UBE2D1: variants seen among roughly 807,000 people sequenced by gnomAD.
The protein encoded by UBE2D1 is ubiquitin-conjugating enzyme E2 D1.
In UBE2D1, 9 loss-of-function variants were observed where a neutral mutation model predicts 24.6. The ratio of observed to expected loss-of-function variants is 0.37; its 90% CI spans 0.22 to 0.64. UBE2D1 has a LOEUF of 0.64. Ranked by LOEUF, UBE2D1 falls within the 30% of genes least tolerant of loss-of-function variation. UBE2D1 has a pLI of 0.64. For synonymous variants in UBE2D1, 57 were observed against 57.6 expected (o/e 0.99, Z 0.04); for missense variants, 87 against 177.1 (o/e 0.49, Z 2.89).
chr10:58,337,095 A>G (rs1429288904), intron 1 of UBE2D1, among the ~76,000 whole-genome samples: 2 of 152,070 alleles, frequency 1.3e-5, no homozygotes, highest in African/African-American at 4.8e-5. Flanking sequence ...CGTGTGTCCA[A>G]ATCTTTTTAG....
chr10:58,346,391 T>C (rs530422921), intron 1 of UBE2D1, among the ~76,000 whole-genome samples: 2 of 152,230 alleles, frequency 1.3e-5, no homozygotes, highest in Non-Finnish European at 2.9e-5. Flanking sequence ...ATAATTTTGA[T>C]TAATGTCATG....
rs1839887190 is a variant in UBE2D1, at chr10:58,335,151, G to A, written c.-51G>A. The A allele has an allele frequency of 1.3e-6, 2 of 1,531,854 alleles. No individual in the cohort carries two copies. Among genetic ancestry groups the A allele is most frequent in the Admixed American group, 2.0e-5 (1 of 50,624 alleles). The allele number at this position is 1,531,854 out of a possible 1,614,324, so 94.9% of individuals were successfully genotyped here. A position where few individuals can be genotyped will look rare whatever the true frequency, so the allele number is the denominator to read the frequency against. On this transcript the variant is annotated 5_prime_UTR_variant, in exon 1 of 7. Transcript: ENST00000373910. Reference sequence around the variant, plus strand: ...AACCCGCGACGACCCACGCCCCTGAGCCCCGCAGCCGACCCCTGCCGGCCG... The same window carrying A: ...AACCCGCGACGACCCACGCCCCTGAACCCCGCAGCCGACCCCTGCCGGCCG...
chr10:58,359,029 A>AG (rs1326391673), intron 1 of UBE2D1, among the ~76,000 whole-genome samples: 59 of 151,538 alleles, frequency 3.9e-4, no homozygotes, highest in Middle Eastern at 3.4e-3. Flanking sequence ...AAAAAAAAAA[A>AG]AAAGCAAAAC....
intron 1 of UBE2D1, among the ~76,000 whole-genome samples, chr10:58,347,587 G>A (rs1017958951): frequency 1.3e-5 from 2 of 151,344 alleles, no homozygotes; most frequent in African/African-American, 2.4e-5. Context: ...GTGAGGCACT[G>A]AGTAAATAAT....
intron 1 of UBE2D1, among the ~76,000 whole-genome samples, chr10:58,343,010 T>C (rs1588996940): frequency 6.6e-6 from 1 of 152,020 alleles, no homozygotes; most frequent in South Asian, 2.1e-4. Flanking sequence ...TTTGTATTTT[T>C]AGTAGAGACA....
intron 1 of UBE2D1, among the ~76,000 whole-genome samples, chr10:58,336,610 G>C (rs1175228026): frequency 6.6e-6 from 1 of 152,168 alleles, no homozygotes; most frequent in Non-Finnish European, 1.5e-5. Flanking sequence ...ATGTTTTCTT[G>C]TTTGAAGGTA....
At chr10:58,335,305 A>C in intron 1 of UBE2D1, 80 bp downstream of exon 1, 9 of 1,393,702 alleles carry the variant, frequency 6.5e-6, no homozygotes, top group African/African-American at 1.5e-5. Context: ...CCCGAGAGAC[A>C]TGCGGGGAGA....
At chr10:58,350,160 C>T (rs1400328199) in intron 1 of UBE2D1, among the ~76,000 whole-genome samples, 1 of 152,166 alleles carries the variant, frequency 6.6e-6, no homozygotes, top group Non-Finnish European at 1.5e-5. Context: ...ATATACTTAG[C>T]AGTAGAAATG....
chr10:58,351,297 CTT>C (rs576250101), intron 1 of UBE2D1, among the ~76,000 whole-genome samples: 101 of 152,206 alleles, frequency 6.6e-4, no homozygotes, highest in African/African-American at 1.9e-3. Flanking sequence ...CTTTTTGACT[CTT>C]TTGTAATAGC....
intron 1 of UBE2D1, among the ~76,000 whole-genome samples, chr10:58,355,894 A>G (rs974361230): frequency 1.3e-5 from 2 of 152,138 alleles, no homozygotes; most frequent in African/African-American, 4.8e-5. Flanking sequence ...TACAAGATCC[A>G]ATCTGGGATC....
At chr10:58,343,282 G>A (rs1228402798) in intron 1 of UBE2D1, among the ~76,000 whole-genome samples, 1 of 151,582 alleles carries the variant, frequency 6.6e-6, no homozygotes, top group African/African-American at 2.4e-5. Context: ...TCTCTTTTAT[G>A]AGTTTCCAAA....
intron 1 of UBE2D1, among the ~76,000 whole-genome samples, chr10:58,357,016 A>C (rs1589001335): frequency 6.6e-6 from 1 of 152,118 alleles, no homozygotes; most frequent in Non-Finnish European, 1.5e-5. Flanking sequence ...TGCATCTTAG[A>C]TTTCTAGGTA....
chr10:58,349,578 CATT>C (rs1441358929), intron 1 of UBE2D1, among the ~76,000 whole-genome samples: 1 of 152,032 alleles, frequency 6.6e-6, no homozygotes, highest in Non-Finnish European at 1.5e-5. Context: ...CCATCTTTTC[CATT>C]ATATGAATTC....
At chr10:58,350,632 C>A (rs1340908734) in intron 1 of UBE2D1, among the ~76,000 whole-genome samples, 2 of 151,858 alleles carry the variant, frequency 1.3e-5, no homozygotes, top group Non-Finnish European at 2.9e-5. Flanking sequence ...TTCATTTTTT[C>A]TTTTATTGTT....
intron 1 of UBE2D1, among the ~76,000 whole-genome samples, chr10:58,355,292 G>A (rs899616860): frequency 3.3e-5 from 5 of 152,192 alleles, no homozygotes; most frequent in African/African-American, 1.2e-4. Flanking sequence ...ATGAAAAGAT[G>A]TTCACTGGGG....
intron 2 of UBE2D1, 38 bp from the exon 3 acceptor site, chr10:58,361,456 CA>C (rs1327960022): frequency 1.9e-6 from 3 of 1,614,130 alleles, no homozygotes; most frequent in Non-Finnish European, 1.7e-6. Flanking sequence ...TAGGTTTGAA[CA>C]TTTGTTAATG....
At chr10:58,336,040 T>C (rs1839900484) in intron 1 of UBE2D1, among the ~76,000 whole-genome samples, 1 of 152,226 alleles carries the variant, frequency 6.6e-6, no homozygotes, top group Admixed American at 6.5e-5. Context: ...GGAAGAAATA[T>C]ATATCTTCAT....
chr10:58,335,465 G>A (rs1161702470), intron 1 of UBE2D1, among the ~76,000 whole-genome samples: 54 of 152,250 alleles, frequency 3.5e-4, no homozygotes, highest in Non-Finnish European at 1.3e-4. Context: ...CGTTCGCGCC[G>A]GAGCCGCTCC....
In UBE2D1 at chr10:58,369,363, T is replaced by G. The variant is rs1158112214; in HGVS notation, c.*598T>G. 6.6e-6 allele frequency: 1 copy of G among 152,556 alleles called. No homozygotes were observed. Among genetic ancestry groups the G allele is most frequent in the Non-Finnish European group, 1.5e-5 (1 of 67,862 alleles). 9.5% of individuals were successfully genotyped at this position (152,556 alleles called of 1,614,324 possible). ...AGATTTCTTAAATCTGAAATGATCT[T>G]TACACTGTAATTCTCAGCATACTGA... On this transcript the variant is annotated 3_prime_UTR_variant, in exon 7 of 7. Coordinates refer to ENST00000373910, the MANE Select transcript of UBE2D1 (RefSeq NM_003338.5).
Sources: gnomAD v4.1 joint callset for allele counts (sites outside exome capture counted in the v4.1 genomes callset) on GRCh38, gnomAD v4.1.1 for gene constraint, MANE v1.5 for transcripts, NCBI Gene and HGNC (gene_info 2026-07-23, HGNC 2026-07-21) for gene names.